Variants in KCNAB3 observed in about 807,000 individuals in gnomAD.
KCNAB3 encodes the protein voltage-gated potassium channel subunit beta-3.
In KCNAB3, 62 loss-of-function variants were observed where a neutral mutation model predicts 67.7. The ratio of observed to expected loss-of-function variants is 0.92; its 90% CI spans 0.75 to 1.13. KCNAB3 has a LOEUF of 1.13. Ranked by LOEUF, KCNAB3 falls within the 50% of genes most tolerant of loss-of-function variation. KCNAB3 has a pLI of 0.00. For synonymous variants in KCNAB3, 212 were observed against 205.4 expected (o/e 1.03, Z -0.27); for missense variants, 514 against 522.9 (o/e 0.98, Z 0.17).
intron 1 of KCNAB3, chr17:7,928,183 T>A (rs1359281367): frequency 2.8e-5 from 11 of 391,964 alleles, no homozygotes; most frequent in Non-Finnish European, 4.7e-5. Flanking sequence ...GGAATTTTGT[T>A]TGATTGTGGT....
At chr17:7,928,828 C>G (rs1422491835) in intron 1 of KCNAB3, among the ~76,000 whole-genome samples, 1 of 152,162 alleles carries the variant, frequency 6.6e-6, no homozygotes. Context: ...GAAGCTGATT[C>G]CCTCCCTCCA....
chr17:7,927,555 T>G, intron 3 of KCNAB3, 102 bp downstream of exon 3: 1 of 1,536,778 alleles, frequency 6.5e-7, no homozygotes, highest in Non-Finnish European at 9.0e-7. Flanking sequence ...CTCAGATCCC[T>G]CATTCCCTGT....
chr17:7,923,453 C>T lies in KCNAB3; in HGVS notation c.1137+3G>A, dbSNP rs1171744412. ...AGGCTCTGCCTCTGAGTCCCCGGCTCACCTGTAGCGCGCCCAGGTGTTCTA... is the reference window on the plus strand; with the variant it reads ...AGGCTCTGCCTCTGAGTCCCCGGCTTACCTGTAGCGCGCCCAGGTGTTCTA... On this transcript the variant is annotated splice_donor_region_variant and intron_variant, in intron 13 of 13. Coordinates refer to ENST00000303790, the MANE Select transcript of KCNAB3 (RefSeq NM_004732.4). 3.7e-6 allele frequency: 6 copies of T among 1,607,556 alleles called. No homozygotes were observed. The highest frequency in any genetic ancestry group is 1.7e-5 in the Admixed American group (1 of 59,552).
Position 7,929,294 on chromosome 17 carries a change from C to G in KCNAB3, c.142G>C (p.Gly48Arg). The G allele has an allele frequency of 6.3e-7, 1 of 1,578,418 alleles. No individual in the cohort carries two copies. The highest frequency in any genetic ancestry group is 8.6e-7 in the Non-Finnish European group (1 of 1,162,884). ...GGHGNPPGGG[G>R]SGPKARAALV... ...GCAGCTCGGGCCTTGGGGCCAGACC[C>G]TCCACCCCCCGGAGGATTCCCGTGC... The change falls in exon 1 of 14, where the codon GGG (glycine) becomes CGG (arginine). Residue 48 changes from glycine to arginine, a missense_variant. Coordinates refer to ENST00000303790, the MANE Select transcript of KCNAB3 (RefSeq NM_004732.4). This position sits in a 1 kb window ranked among gnomAD's most constrained non-coding sequence, Gnocchi z 5.7.
chr17:7,927,841 A>C lies in KCNAB3; in HGVS notation c.243-15T>G. On this transcript the variant is annotated splice_polypyrimidine_tract_variant and intron_variant, in intron 1 of 13. Transcript: ENST00000303790. ...TCCCTAGGTTCCTGCAAGATACAGA[A>C]GCAGCGGGAAGGGGTGGAGCCTCCA... The C allele has an allele frequency of 1.2e-6, 2 of 1,613,868 alleles. No individual in the cohort carries two copies. The highest frequency in any genetic ancestry group is 2.2e-5 in the South Asian group (2 of 91,060).
At position 7,929,180 on chromosome 17, in the gene KCNAB3, G is replaced by A; in HGVS notation, c.242+14C>T. ...GGAAAGCGGAAGGGGTGGGCTGCCC[G>A]GCCACCCCCATACCTGTATTTCATG... On this transcript the variant is annotated intron_variant, in intron 1 of 13. Transcript: ENST00000303790. The surrounding 1 kb of genome is among the most constrained non-coding windows in gnomAD (Gnocchi z 5.7). 1.9e-6 allele frequency: 3 copies of A among 1,610,984 alleles called. No individual in the cohort carries two copies. Among genetic ancestry groups the A allele is most frequent in the East Asian group, 2.2e-5 (1 of 44,818 alleles).
chr17:7,929,245 G>A lies in KCNAB3; in HGVS notation c.191C>T (p.Pro64Leu), dbSNP rs755297945. ...RAALVPRPPA[P>L]AGALRESTGR... ...GGTGCTCTCTCGGAGGGCCCCAGCG[G>A]GCGCTGGGGGTCGGGGAACCAGTGC... The change falls in exon 1 of 14, where the codon CCC (proline) becomes CTC (leucine). Residue 64 changes from proline to leucine, a missense_variant. Physicochemically the swap from Pro to Leu is moderately conservative, Grantham distance 98 (BLOSUM62 -3). Coordinates refer to ENST00000303790, the MANE Select transcript of KCNAB3 (RefSeq NM_004732.4). This position sits in a 1 kb window ranked among gnomAD's most constrained non-coding sequence, Gnocchi z 5.7. 6.2e-7 allele frequency: 1 copy of A among 1,609,500 alleles called. No individual in the cohort carries two copies. The highest frequency in any genetic ancestry group is 8.5e-7 in the Non-Finnish European group (1 of 1,178,492).
chr17:7,929,305 G>A lies in KCNAB3; in HGVS notation c.131C>T (p.Pro44Leu), dbSNP rs1350848161. ...GPAGGGHGNP[P>L]GGGGSGPKAR... ...CTTGGGGCCAGACCCTCCACCCCCC[G>A]GAGGATTCCCGTGCCCCCCGCCGGC... The change falls in exon 1 of 14, where the codon CCG (proline) becomes CTG (leucine). Residue 44 changes from proline to leucine, a missense_variant. Transcript: ENST00000303790. The surrounding 1 kb of genome is among the most constrained non-coding windows in gnomAD (Gnocchi z 5.7). 1.5e-5 allele frequency: 23 copies of A among 1,567,460 alleles called. No individual in the cohort carries two copies. Among genetic ancestry groups the A allele is most frequent in the Non-Finnish European group, 1.8e-5 (21 of 1,156,872 alleles).
chr17:7,925,860 AC>A, intron 6 of KCNAB3, 70 bp downstream of exon 6: 1 of 692,714 alleles, frequency 1.4e-6, no homozygotes. Context: ...AGCTGTCCCC[AC>A]CCCCACCCCA....
chr17:7,929,190 A>G lies in KCNAB3; in HGVS notation c.242+4T>C. On this transcript the variant is annotated splice_donor_region_variant and intron_variant, in intron 1 of 13. Transcript: ENST00000303790. This position sits in a 1 kb window ranked among gnomAD's most constrained non-coding sequence, Gnocchi z 5.7. Reference sequence around the variant, plus strand: ...AGGGGTGGGCTGCCCGGCCACCCCCATACCTGTATTTCATGCCAGTGCCTC... The same window carrying G: ...AGGGGTGGGCTGCCCGGCCACCCCCGTACCTGTATTTCATGCCAGTGCCTC... 6.2e-7 allele frequency: 1 copy of G among 1,611,856 alleles called. No homozygotes were observed. Among genetic ancestry groups the G allele is most frequent in the Admixed American group, 1.7e-5 (1 of 59,908 alleles).
Position 7,929,269 on chromosome 17 carries a change from G to T in KCNAB3, c.167C>A (p.Ala56Glu), listed in dbSNP as rs1972345355. ...GGGSGPKARA[A>E]LVPRPPAPAG... ...GGGCGCTGGGGGTCGGGGAACCAGT[G>T]CAGCTCGGGCCTTGGGGCCAGACCC... Residue 56 changes from alanine (A) to glutamate (E), a missense_variant, in exon 1 of 14, where the codon GCA becomes GAA. Coordinates refer to ENST00000303790, the MANE Select transcript of KCNAB3 (RefSeq NM_004732.4). This position sits in a 1 kb window ranked among gnomAD's most constrained non-coding sequence, Gnocchi z 5.7. The T allele has an allele frequency of 6.2e-7, 1 of 1,603,166 alleles. No individual in the cohort carries two copies. Among genetic ancestry groups the T allele is most frequent in the Admixed American group, 1.7e-5 (1 of 58,846 alleles).
chr17:7,928,067 C>T lies in KCNAB3; in HGVS notation c.243-241G>A, dbSNP rs533139899. On this transcript the variant is annotated intron_variant, in intron 1 of 13. Transcript: ENST00000303790. ...CCTCTGGAGCCACTGTCCAGAGTCT[C>T]CATTCCCTCTTATCACATTGAAGAC... 5 of 600,120 alleles carry T rather than the reference C, an allele frequency of 8.3e-6. 1 individual carries two copies. The Admixed American group carries it at 1.2e-4, about 14-fold the overall frequency. 37.2% of individuals were successfully genotyped at this position (600,120 alleles called of 1,614,324 possible).
At chr17:7,927,323 C>G (rs1310356702) in intron 4 of KCNAB3, 21 bp downstream of exon 4, 1 of 1,608,402 alleles carries the variant, frequency 6.2e-7, no homozygotes, top group East Asian at 2.2e-5. Flanking sequence ...TGGAGCTTAG[C>G]TCTTTCACCC....
In KCNAB3 at chr17:7,929,345, C is replaced by T. The variant is rs1241635272; in HGVS notation, c.91G>A (p.Gly31Ser). The T allele has an allele frequency of 1.9e-6, 3 of 1,549,828 alleles. No homozygotes were observed. Among genetic ancestry groups the T allele is most frequent in the Non-Finnish European group, 8.7e-7 (1 of 1,146,958 alleles). ...CCCCCGCCGGCCGGCCCACCATTAC[C>T]GCCCCCGGGGCCCGGCCGGGGTCCA... Reference protein sequence around the residue: ...LCGPRPGPGGGNGGPAGGGHG... With the variant: ...LCGPRPGPGGSNGGPAGGGHG... The change falls in exon 1 of 14, where the codon GGT becomes AGT. Residue 31 changes from glycine (G) to serine (S), a missense_variant. Transcript: ENST00000303790. The surrounding 1 kb of genome is among the most constrained non-coding windows in gnomAD (Gnocchi z 5.7).
chr17:7,926,035 A>C (rs532022927), intron 5 of KCNAB3, 24 bp downstream of exon 5: 2 of 1,614,060 alleles, frequency 1.2e-6, no homozygotes, highest in African/African-American at 2.7e-5. Context: ...TCACATCCCC[A>C]GCAACCCCCC....
chr17:7,927,346 T>C lies in KCNAB3; in HGVS notation c.402A>G (p.Gly134=). ...LFDTAEVYAA[G]KAERTLGNIL... ...AGCTCTTTCACCCCAGTCCTTACTTTCCTGCTGCGTACACTTCGGCGGTGT... is the reference window on the plus strand; with the variant it reads ...AGCTCTTTCACCCCAGTCCTTACTTCCCTGCTGCGTACACTTCGGCGGTGT... The change falls in exon 4 of 14, where the codon GGA becomes GGG. Residue 134 remains glycine (G), a splice_region_variant and synonymous_variant. Coordinates refer to ENST00000303790, the MANE Select transcript of KCNAB3 (RefSeq NM_004732.4). The C allele has an allele frequency of 6.2e-7, 1 of 1,613,730 alleles. No individual in the cohort carries two copies. The highest frequency in any genetic ancestry group is 8.5e-7 in the Non-Finnish European group (1 of 1,179,910).
chr17:7,922,867 G>GGGCC lies in KCNAB3; in HGVS notation c.*231_*234dup. On this transcript the variant is annotated 3_prime_UTR_variant, in exon 14 of 14. Transcript: ENST00000303790. ...AGCTCATGCCCGGGATTTGCAAGAAGGGCCTAGAAAGACGCAGCAGGGGGC... is the reference window on the plus strand; with the variant it reads ...AGCTCATGCCCGGGATTTGCAAGAAGGGCCGGCCTAGAAAGACGCAGCAGGGGGC... 1.8e-6 allele frequency: 1 copy of GGGCC among 562,718 alleles called. No individual in the cohort carries two copies. Among genetic ancestry groups the GGGCC allele is most frequent in the South Asian group, 2.2e-5 (1 of 46,170 alleles). The allele number at this position is 562,718 out of a possible 1,614,324, so 34.9% of individuals were successfully genotyped here.
At chr17:7,923,596 A>G in intron 12 of KCNAB3, 52 bp from the exon 13 acceptor site, 1 of 1,560,478 alleles carries the variant, frequency 6.4e-7, no homozygotes, top group South Asian at 1.2e-5. Flanking sequence ...GTGACCACAT[A>G]GATTTCAGAA....
rs545001235 is a variant in KCNAB3 at position 7,923,049 on chromosome 17, G to C, written c.*53C>G. 6.5e-7 allele frequency: 1 copy of C among 1,549,714 alleles called. No homozygotes were observed. The highest frequency in any genetic ancestry group is 8.9e-7 in the Non-Finnish European group (1 of 1,122,260). On this transcript the variant is annotated 3_prime_UTR_variant, in exon 14 of 14. Coordinates refer to ENST00000303790, the MANE Select transcript of KCNAB3 (RefSeq NM_004732.4). ...AGCGGGAGAGGCGGCTGCGAGGAGC[G>C]GGGCTCGGGCGGGTGCAGCGACACC...
Sources: gnomAD v4.1 joint callset for allele counts (sites outside exome capture counted in the v4.1 genomes callset) on GRCh38, gnomAD v4.1.1 for gene constraint, Gnocchi (gnomAD v3.1) non-coding constraint, MANE v1.5 for transcripts, NCBI Gene and HGNC (gene_info 2026-07-23, HGNC 2026-07-21) for gene names.